PTPRK: variants seen among roughly 807,000 people sequenced by gnomAD.
PTPRK encodes receptor-type tyrosine-protein phosphatase kappa.
In PTPRK, 75 loss-of-function variants were observed where a neutral mutation model predicts 178.0. The ratio of observed to expected loss-of-function variants is 0.42; its 90% CI spans 0.35 to 0.51. The LOEUF is 0.51. Among genes scored for constraint, PTPRK ranks in the 20% least tolerant of loss-of-function variants. The pLI is 0.02. For synonymous variants in PTPRK, 637 were observed against 620.6 expected, an observed-to-expected ratio of 1.03 and a Z score of -0.39; for missense variants, 1,441 against 1,797.8, an observed-to-expected ratio of 0.80 and a Z score of 3.59.
intron 2 of PTPRK, among the ~76,000 whole-genome samples, chr6:128,385,582 T>C (rs1838589235): frequency 6.6e-6 from 1 of 152,234 alleles, no homozygotes; most frequent in Admixed American, 6.5e-5. Flanking sequence ...TATTAAATAG[T>C]AAGTCTTATA....
At chr6:128,156,083 C>T (rs145645194) in intron 7 of PTPRK, among the ~76,000 whole-genome samples, 1 of 151,846 alleles carries the variant, frequency 6.6e-6, no homozygotes, top group East Asian at 1.9e-4. Flanking sequence ...ATAGTTTTGA[C>T]TACATTTTTT....
At position 128,423,943 on chromosome 6, in the gene PTPRK, G is replaced by A. The variant is rs1584649831; in HGVS notation, c.101-26255C>T. The stretch of plus-strand genomic sequence containing the variant: ...GTGCAAAAAAAGGTTTATTATGGCT[G>A]GGTGTGGTGGCTTACACCTGTAATC... On this transcript the variant is annotated intron_variant, in intron 1 of 29. Transcript: ENST00000368226. Among the ~76,000 whole-genome samples, 5 of 152,104 alleles carry A rather than the reference G, an allele frequency of 3.3e-5. No homozygotes were observed. The South Asian group carries it at 1.0e-3, about 32-fold the overall frequency.
chr6:128,376,177 TTTCCCTTCCACAC>T (rs1254431708), intron 2 of PTPRK, among the ~76,000 whole-genome samples: 1 of 152,190 alleles, frequency 6.6e-6, no homozygotes, highest in Non-Finnish European at 1.5e-5. Context: ...CAACCCCACA[TTTCCCTTCCACAC>T]TTCCCTAGCA....
chr6:128,487,902 G>C (rs1181786647), intron 1 of PTPRK, among the ~76,000 whole-genome samples: 1 of 152,156 alleles, frequency 6.6e-6, no homozygotes, highest in Non-Finnish European at 1.5e-5. Flanking sequence ...CATTCAATGA[G>C]GTGTAGATTC....
At chr6:128,123,017 G>A (rs576576378) in intron 7 of PTPRK, among the ~76,000 whole-genome samples, 1 of 152,158 alleles carries the variant, frequency 6.6e-6, no homozygotes, top group Non-Finnish European at 1.5e-5. Context: ...TTGGAATAAG[G>A]CTCTTTGCAG....
chr6:128,462,690 T>C (rs1171179924), intron 1 of PTPRK, among the ~76,000 whole-genome samples: 1 of 151,774 alleles, frequency 6.6e-6, no homozygotes, highest in Non-Finnish European at 1.5e-5. Flanking sequence ...AGTTTTGCTC[T>C]TGTTGCCCAG....
At chr6:128,190,096 T>C (rs1803497710) in intron 6 of PTPRK, among the ~76,000 whole-genome samples, 1 of 152,204 alleles carries the variant, frequency 6.6e-6, no homozygotes, top group South Asian at 2.1e-4. Flanking sequence ...TTTGGACATT[T>C]AATATCATAT....
chr6:128,284,562 A>C (rs934709434), intron 3 of PTPRK, among the ~76,000 whole-genome samples: 19 of 152,224 alleles, frequency 1.2e-4, no homozygotes, highest in African/African-American at 4.3e-4. Flanking sequence ...TCTACTTTGC[A>C]GCAAAACTCC....
intron 7 of PTPRK, among the ~76,000 whole-genome samples, chr6:128,170,352 G>GT: frequency 6.6e-6 from 1 of 151,928 alleles, no homozygotes; most frequent in Admixed American, 6.6e-5. Context: ...CTATTTCTAT[G>GT]TTTTTACTCA....
intron 2 of PTPRK, among the ~76,000 whole-genome samples, chr6:128,364,895 A>G (rs952881571): frequency 6.6e-6 from 1 of 151,994 alleles, no homozygotes; most frequent in African/African-American, 2.4e-5. Flanking sequence ...CATCTTGTCT[A>G]TCTAAATCTG....
chr6:128,143,306 A>G (rs574674592), intron 7 of PTPRK, among the ~76,000 whole-genome samples: 1 of 152,278 alleles, frequency 6.6e-6, no homozygotes, highest in Admixed American at 6.5e-5. Context: ...CATATATAGA[A>G]AAGGAAGGGA....
At chr6:127,992,567 T>C in intron 19 of PTPRK, 106 bp downstream of exon 19, 1 of 890,572 alleles carries the variant, frequency 1.1e-6, no homozygotes. Context: ...TCAGAAGGGC[T>C]GATTTTTTTG....
At chr6:128,456,357 G>T (rs895192382) in intron 1 of PTPRK, among the ~76,000 whole-genome samples, 1 of 151,780 alleles carries the variant, frequency 6.6e-6, no homozygotes, top group African/African-American at 2.4e-5. Context: ...CAAACCAAGG[G>T]TTACAGAACA....
chr6:128,318,353 T>C (rs1828322560), intron 3 of PTPRK, among the ~76,000 whole-genome samples: 1 of 152,182 alleles, frequency 6.6e-6, no homozygotes, highest in Non-Finnish European at 1.5e-5. Flanking sequence ...AATATCAATA[T>C]AATATACATT....
intron 8 of PTPRK, 111 bp from the exon 9 acceptor site, chr6:128,083,935 T>A: frequency 2.1e-6 from 1 of 482,648 alleles, no homozygotes; most frequent in Non-Finnish European, 3.5e-6. Context: ...GAAAAATAAA[T>A]AAAAATGTGT....
intron 13 of PTPRK, among the ~76,000 whole-genome samples, chr6:128,043,880 T>C (rs1309826845): frequency 2.6e-5 from 4 of 151,922 alleles, no homozygotes; most frequent in African/African-American, 9.7e-5. Context: ...TAGTATTCTG[T>C]ATATGACACA....
intron 11 of PTPRK, among the ~76,000 whole-genome samples, chr6:128,073,758 A>G (rs908285548): frequency 4.6e-5 from 7 of 152,044 alleles, no homozygotes; most frequent in Admixed American, 6.6e-5. Flanking sequence ...TCTACCTACT[A>G]TGATTCTAGA....
intron 13 of PTPRK, among the ~76,000 whole-genome samples, chr6:128,057,177 C>G (rs1780044989): frequency 6.6e-6 from 1 of 152,038 alleles, no homozygotes; most frequent in Admixed American, 6.6e-5. Context: ...TTTCTACTTC[C>G]TTAATTGTAT....
chr6:128,382,151 CAAAAAAAAAA>C (rs56321095), intron 2 of PTPRK, among the ~76,000 whole-genome samples: 1 of 75,660 alleles, frequency 1.3e-5, no homozygotes, highest in Non-Finnish European at 2.8e-5. Context: ...TACCCTATCT[CAAAAAAAAAA>C]AAAAAAAAAA....
Sources: gnomAD v4.1 joint callset for allele counts (sites outside exome capture counted in the v4.1 genomes callset) on GRCh38, gnomAD v4.1.1 for gene constraint, MANE v1.5 for transcripts, NCBI Gene and HGNC (gene_info 2026-07-23, HGNC 2026-07-21) for gene names.